The following NAA11 variants were observed in gnomAD, a reference collection of about 807,000 sequenced individuals.
NAA11 encodes N-alpha-acetyltransferase 11, NatA catalytic subunit.
In NAA11, 15 loss-of-function variants were observed where a neutral mutation model predicts 16.1. That is an observed-to-expected ratio of 0.93 (90% CI 0.62 to 1.44). The LOEUF (loss-of-function observed/expected upper bound fraction) is 1.44, where lower values mean the gene tolerates loss of function less well. Ranked by LOEUF, NAA11 falls within the 40% of genes most tolerant of loss-of-function variation. The pLI, the probability that NAA11 is intolerant of heterozygous loss-of-function variation, is 0.00. For synonymous variants in NAA11, 122 were observed against 112.4 expected, an observed-to-expected ratio of 1.09 and a Z score of -0.54; for missense variants, 298 against 291.3, an observed-to-expected ratio of 1.02 and a Z score of -0.17.
chr4:79,199,398 G>A, the NAA11 span, among the ~76,000 whole-genome samples: 1 of 151,914 alleles, frequency 6.6e-6, no homozygotes, highest in Admixed American at 6.6e-5. Context: ...CTTGTATGCA[G>A]TTGAACACAA....
chr4:79,166,092 A>G, the NAA11 span, among the ~76,000 whole-genome samples: 6 of 152,182 alleles, frequency 3.9e-5, no homozygotes, highest in Admixed American at 6.5e-5. Context: ...TAAGCCAACA[A>G]CAGCAAAACA....
the NAA11 span, among the ~76,000 whole-genome samples, chr4:79,172,279 A>G: frequency 1.3e-5 from 2 of 152,066 alleles, no homozygotes; most frequent in Non-Finnish European, 2.9e-5. Flanking sequence ...TTTCCCTCTC[A>G]AGATCTGTTT....
chr4:79,167,497 A>G, the NAA11 span, among the ~76,000 whole-genome samples: 21 of 152,066 alleles, frequency 1.4e-4, no homozygotes, highest in East Asian at 3.9e-3. Flanking sequence ...ATGGGGAGTC[A>G]TGAGGATTAA....
the NAA11 span, among the ~76,000 whole-genome samples, chr4:79,158,602 A>G: frequency 6.6e-6 from 1 of 151,598 alleles, no homozygotes; most frequent in African/African-American, 2.4e-5. Flanking sequence ...ACAGAACTAA[A>G]AAAAAGTCCT....
intron 2 of NAA11, among the ~76,000 whole-genome samples, chr4:79,275,355 TTG>T (rs1722623960): frequency 6.6e-6 from 1 of 152,042 alleles, no homozygotes; most frequent in Non-Finnish European, 1.5e-5. Context: ...AGATAAATAG[TTG>T]CCATAGGAAG....
chr4:79,305,831 T>C (rs1308844700), intron 1 of NAA11, among the ~76,000 whole-genome samples: 5 of 152,168 alleles, frequency 3.3e-5, no homozygotes, highest in African/African-American at 1.2e-4. Flanking sequence ...CTCAAAAATC[T>C]AGTTTTCATC....
intron 1 of NAA11, chr4:79,299,091 TCAGA>T (rs1239040713): frequency 1.3e-5 from 2 of 152,232 alleles, no homozygotes; most frequent in East Asian, 3.8e-4. Context: ...GGATATACTG[TCAGA>T]CTGTCACCAA....
intron 1 of NAA11, chr4:79,308,480 T>A (rs986936919): frequency 6.6e-6 from 1 of 152,132 alleles, no homozygotes; most frequent in African/African-American, 2.4e-5. Flanking sequence ...GATTACAAAT[T>A]AAAGCCTGGC....
intron 2 of NAA11, among the ~76,000 whole-genome samples, chr4:79,244,149 A>G (rs1434175907): frequency 3.3e-5 from 5 of 152,222 alleles, no homozygotes; most frequent in African/African-American, 7.2e-5. Flanking sequence ...GTGGACCATC[A>G]GGAACTGGCC....
At chr4:79,278,901 C>T (rs1180558450) in intron 2 of NAA11, among the ~76,000 whole-genome samples, 1 of 151,948 alleles carries the variant, frequency 6.6e-6, no homozygotes, top group Non-Finnish European at 1.5e-5. Context: ...CTGGGAAGTC[C>T]AAGATCAAGA....
the NAA11 span, among the ~76,000 whole-genome samples, chr4:79,215,186 A>T: frequency 6.6e-6 from 1 of 152,196 alleles, no homozygotes; most frequent in Non-Finnish European, 1.5e-5. Flanking sequence ...ATTTACACAT[A>T]TTTACTTAGT....
At chr4:79,286,710 C>G (rs1299314147) in intron 2 of NAA11, among the ~76,000 whole-genome samples, 1 of 151,982 alleles carries the variant, frequency 6.6e-6, no homozygotes, top group African/African-American at 2.4e-5. Flanking sequence ...TACGTATCTG[C>G]TAATACATAA....
intron 2 of NAA11, among the ~76,000 whole-genome samples, chr4:79,282,899 C>T (rs527856962): frequency 3.0e-4 from 46 of 152,122 alleles, no homozygotes; most frequent in African/African-American, 9.2e-4. Flanking sequence ...TGAGGCTTTC[C>T]GGTATTTCAA....
In NAA11 at chr4:79,325,452, T is replaced by G; in HGVS notation, c.426A>C (p.Glu142Asp). ...EVEPKYYADGEDAYAMKRDLS... is the reference protein window; with the variant it reads ...EVEPKYYADGDDAYAMKRDLS... ...GATCCCGCTTCATAGCATAAGCATC[T>G]TCCCCATCTGCATAGTATTTAGGTT... Residue 142 changes from glutamate to aspartate, a missense_variant, in exon 1 of 2, where the codon GAA becomes GAC. Transcript: ENST00000286794. The G allele has an allele frequency of 6.2e-7, 1 of 1,614,214 alleles. No homozygotes were observed. The highest frequency in any genetic ancestry group is 2.2e-5 in the East Asian group (1 of 44,880).
the NAA11 span, among the ~76,000 whole-genome samples, chr4:79,159,652 C>G: frequency 2.6e-5 from 4 of 152,208 alleles, no homozygotes; most frequent in Admixed American, 2.6e-4. Flanking sequence ...TTTTTAAAAG[C>G]AATGGCAAAA....
downstream of NAA11, among the ~76,000 whole-genome samples, chr4:79,221,717 G>A (rs937858584): frequency 4.2e-4 from 53 of 125,378 alleles, no homozygotes; most frequent in Non-Finnish European, 7.4e-4. Flanking sequence ...GCATCCCAGG[G>A]ATGAAGCCCA....
intron 2 of NAA11, among the ~76,000 whole-genome samples, chr4:79,260,518 A>C (rs75636478): frequency 0.1 from 15,927 of 152,214 alleles, 1,008 homozygotes; most frequent in African/African-American, 0.16. Flanking sequence ...GATTTTAGGT[A>C]CAGTGTACAT....
At chr4:79,222,126 G>T (rs1478115449), downstream of NAA11, among the ~76,000 whole-genome samples, 69 of 151,188 alleles carry the variant, frequency 4.6e-4, no homozygotes, top group Middle Eastern at 0.01. Context: ...GTCCAGGAAT[G>T]TATCCATTTC....
rs1723942041 is a variant in NAA11 at position 79,316,820 on chromosome 4, T to G, written c.*984A>C. 6.6e-6 allele frequency: 1 copy of G among 152,172 alleles called. No individual in the cohort carries two copies. Among genetic ancestry groups the G allele is most frequent in the Non-Finnish European group, 1.5e-5 (1 of 68,018 alleles). 9.4% of individuals were successfully genotyped at this position (152,172 alleles called of 1,614,324 possible). ...ACATTTTTAAACAGCAGATTCTCCA[T>G]TTTTGCTAAAATTTTAACACATTTA... On this transcript the variant is annotated 3_prime_UTR_variant, in exon 2 of 2. Transcript: ENST00000286794.
Sources: gnomAD v4.1 joint callset for allele counts (sites outside exome capture counted in the v4.1 genomes callset) on GRCh38, gnomAD v4.1.1 for gene constraint, MANE v1.5 for transcripts, NCBI Gene and HGNC (gene_info 2026-07-23, HGNC 2026-07-21) for gene names.